Variants in ASB3 observed in about 807,000 individuals in gnomAD.
ASB3 encodes ankyrin repeat and SOCS box protein 3.
Under a neutral mutation model 54.5 loss-of-function variants are expected in ASB3, and 41 were observed. That is an observed-to-expected ratio of 0.75 (90% confidence interval 0.59 to 0.98). The LOEUF is 0.98. Among genes scored for constraint, ASB3 ranks in the 50% least tolerant of loss-of-function variants. ASB3 has a pLI of 0.00. For missense variants in ASB3, 733 were observed against 620.0 expected (o/e 1.18, Z -1.94); for synonymous variants, 266 against 221.2 (o/e 1.20, Z -1.80).
chr2:53,785,433 T>TAAA (rs66716085), intron 1 of ASB3, among the ~76,000 whole-genome samples: 9 of 147,972 alleles, frequency 6.1e-5, no homozygotes, highest in African/African-American at 2.2e-4. Context: ...GAATAAATGC[T>TAAA]AAAAAAAAAA....
chr2:53,762,272 G>A (rs945507203), intron 2 of ASB3, among the ~76,000 whole-genome samples: 1 of 151,908 alleles, frequency 6.6e-6, no homozygotes, highest in African/African-American at 2.4e-5. Flanking sequence ...AAAAAGAAAG[G>A]AATTAATGAT....
chr2:53,702,698 T>G (rs1442130280), intron 7 of ASB3, among the ~76,000 whole-genome samples: 1 of 152,174 alleles, frequency 6.6e-6, no homozygotes, highest in Non-Finnish European at 1.5e-5. Context: ...TTTTGGGGGT[T>G]TGCACATTTT....
intron 2 of ASB3, among the ~76,000 whole-genome samples, chr2:53,758,267 A>C (rs1672948540): frequency 6.6e-6 from 1 of 152,210 alleles, no homozygotes; most frequent in African/African-American, 2.4e-5. Flanking sequence ...TAACCCACGG[A>C]AAAAGGCACA....
At chr2:53,767,878 C>G (rs748378061) in intron 1 of ASB3, 4 of 1,603,308 alleles carry the variant, frequency 2.5e-6, no homozygotes, top group Non-Finnish European at 3.4e-6. Flanking sequence ...GCAGAGGAGC[C>G]GCGAGAAGAT....
At position 53,772,040 on chromosome 2, in the gene ASB3, A is replaced by C. The variant is rs138751271; in HGVS notation, c.-13-6455T>G. On this transcript the variant is annotated intron_variant, in intron 1 of 9. Coordinates refer to ENST00000263634, the MANE Select transcript of ASB3 (RefSeq NM_016115.5). Reference sequence around the variant, plus strand: ...TTAACAATCATCACAGACAATTTGAACTACCCTAAATTTAGAATTCTTCTC... The same window carrying C: ...TTAACAATCATCACAGACAATTTGACCTACCCTAAATTTAGAATTCTTCTC... 431 of 723,244 alleles carry C rather than the reference A, an allele frequency of 6.0e-4. 2 individuals are homozygous for C. The East Asian group carries it at 0.01, about 17-fold the overall frequency. 44.8% of individuals were successfully genotyped at this position (723,244 alleles called of 1,614,324 possible). A position where few individuals can be genotyped will look rare whatever the true frequency, so the allele number is the denominator to read the frequency against.
Position 53,700,422 on chromosome 2 carries a change from A to G in ASB3, c.1087T>C (p.Tyr363His), listed in dbSNP as rs369746960. ...LKYEKFSIFR[Y>H]FLRKGCSLGP... ...AATGAGCAACCTTTCCTCAAAAAGT[A>G]GCGAAATATCGAAAACTTCTCGTAC... The change falls in exon 8 of 10, where the codon TAC becomes CAC. Residue 363 changes from tyrosine to histidine, a missense_variant. Transcript: ENST00000263634. 4 of 1,614,012 alleles carry G rather than the reference A, an allele frequency of 2.5e-6. No homozygotes were observed. In the African/African-American group the frequency reaches 4.0e-5, roughly 16 times the overall value.
At chr2:53,730,671 A>G (rs1671256430) in intron 3 of ASB3, among the ~76,000 whole-genome samples, 1 of 152,198 alleles carries the variant, frequency 6.6e-6, no homozygotes, top group Non-Finnish European at 1.5e-5. Context: ...AACTGTGTAT[A>G]CATGTTCCTT....
chr2:53,744,097 C>T (rs1437146010), intron 3 of ASB3, among the ~76,000 whole-genome samples: 1 of 150,354 alleles, frequency 6.7e-6, no homozygotes, highest in East Asian at 2.0e-4. Context: ...AGAAAGGTGG[C>T]TGGGCGCAGT....
At chr2:53,698,326 C>T (rs1669299886) in intron 8 of ASB3, among the ~76,000 whole-genome samples, 1 of 152,190 alleles carries the variant, frequency 6.6e-6, no homozygotes, top group East Asian at 1.9e-4. Context: ...TCTATTTGTA[C>T]AAATCTGCTC....
intron 1 of ASB3, among the ~76,000 whole-genome samples, chr2:53,769,928 A>G (rs1004528400): frequency 6.6e-6 from 1 of 152,230 alleles, no homozygotes; most frequent in African/African-American, 2.4e-5. Flanking sequence ...ATCTTAGCCC[A>G]TATCTTAGCT....
chr2:53,766,697 T>G (rs1371801579), intron 1 of ASB3, among the ~76,000 whole-genome samples: 1 of 152,226 alleles, frequency 6.6e-6, no homozygotes, highest in Non-Finnish European at 1.5e-5. Context: ...ATCTGAGTTT[T>G]CTGTGTATTC....
chr2:53,684,902 T>C (rs1271111134), intron 9 of ASB3, among the ~76,000 whole-genome samples: 1 of 152,056 alleles, frequency 6.6e-6, no homozygotes, highest in Non-Finnish European at 1.5e-5. Flanking sequence ...TAGAGATGAA[T>C]TACTACAAGT....
rs143409423 is a variant in ASB3, at chr2:53,774,008, C to G, written c.-13-8423G>C. 403 of 1,001,340 alleles carry G rather than the reference C, an allele frequency of 4.0e-4. 4 individuals carry two copies. In the African/African-American group the frequency reaches 5.9e-3, roughly 15 times the overall value. 62.0% of individuals were successfully genotyped at this position (1,001,340 alleles called of 1,614,324 possible). A position where few individuals can be genotyped will look rare whatever the true frequency, so the allele number is the denominator to read the frequency against. On this transcript the variant is annotated intron_variant, in intron 1 of 9. Transcript: ENST00000263634. ...CACGATCGTGCCACTGCACCACAGC[C>G]TGGGCAACAGACAAGACTTCATCTC...
intron 2 of ASB3, among the ~76,000 whole-genome samples, chr2:53,761,638 G>C (rs1344620660): frequency 2.0e-5 from 3 of 152,160 alleles, no homozygotes; most frequent in South Asian, 4.1e-4. Context: ...CTTAGGGTGA[G>C]TTACACCACC....
At chr2:53,700,709 C>A (rs1020066155) in intron 7 of ASB3, among the ~76,000 whole-genome samples, 181 bp from the exon 8 acceptor site, 3 of 151,972 alleles carry the variant, frequency 2.0e-5, no homozygotes, top group Non-Finnish European at 2.9e-5. Flanking sequence ...GCTTTTTACA[C>A]CCTCCTGCAT....
intron 2 of ASB3, 121 bp downstream of exon 2, chr2:53,765,256 G>C: frequency 5.9e-6 from 8 of 1,347,818 alleles, no homozygotes; most frequent in Non-Finnish European, 8.0e-6. Flanking sequence ...AATTCAGGCA[G>C]TTATTTTATG....
intron 3 of ASB3, among the ~76,000 whole-genome samples, chr2:53,737,724 G>GA (rs543660229): frequency 0.067 from 4,295 of 63,892 alleles, 86 homozygotes; most frequent in African/African-American, 0.12. Flanking sequence ...TTTAAAAAAG[G>GA]AAAAAAAAAA....
intron 7 of ASB3, among the ~76,000 whole-genome samples, chr2:53,705,477 T>G (rs1240440925): frequency 6.6e-6 from 1 of 152,222 alleles, no homozygotes; most frequent in East Asian, 1.9e-4. Flanking sequence ...TTACTTTTCT[T>G]TTTCTTCTTT....
rs146708478 is a variant in ASB3 at position 53,716,794 on chromosome 2, A to T, written c.605-51T>A. ...ACAGATAACCCTAATACTTAAAAAAATCAACACAAATTTCAAAGGAACTAC... is the reference window on the plus strand; with the variant it reads ...ACAGATAACCCTAATACTTAAAAAATTCAACACAAATTTCAAAGGAACTAC... On this transcript the variant is annotated intron_variant, in intron 5 of 9. Transcript: ENST00000263634. 2.6e-4 allele frequency: 400 copies of T among 1,515,628 alleles called. 3 individuals are homozygous for T. The African/African-American group carries it at 5.1e-3, about 19-fold the overall frequency. 93.9% of individuals were successfully genotyped at this position (1,515,628 alleles called of 1,614,324 possible).
Sources: gnomAD v4.1 joint callset for allele counts (sites outside exome capture counted in the v4.1 genomes callset) on GRCh38, gnomAD v4.1.1 for gene constraint, MANE v1.5 for transcripts, NCBI Gene and HGNC (gene_info 2026-07-23, HGNC 2026-07-21) for gene names.